CLSTN2: variants seen among roughly 807,000 people sequenced by gnomAD.
CLSTN2 encodes calsyntenin 2.
A neutral mutation model predicts 101.2 loss-of-function variants in CLSTN2; 48 were observed. The ratio of observed to expected loss-of-function variants is 0.47; its 90% CI spans 0.38 to 0.60. The LOEUF (loss-of-function observed/expected upper bound fraction) is 0.60. CLSTN2 is among the 20% of genes least tolerant of loss of function. The pLI, the probability that CLSTN2 is intolerant of heterozygous loss-of-function variation, is 0.00. For missense variants in CLSTN2, 1,160 were observed against 1,238.2 expected (o/e 0.94, Z 0.95); for synonymous variants, 481 against 463.6 (o/e 1.04, Z -0.48).
intron 1 of CLSTN2, among the ~76,000 whole-genome samples, chr3:140,076,629 T>C (rs2008496046): frequency 7.5e-6 from 1 of 132,924 alleles, no homozygotes; most frequent in Non-Finnish European, 1.6e-5. Context: ...AGCAGTGTTT[T>C]TTTTTTTTTT....
intron 6 of CLSTN2, among the ~76,000 whole-genome samples, chr3:140,451,088 T>A (rs1933236889): frequency 6.6e-6 from 1 of 152,160 alleles, no homozygotes; most frequent in African/African-American, 2.4e-5. Context: ...TTGCTCCCCA[T>A]GCACCTGAAT....
At chr3:140,349,611 G>C (rs2087584964) in intron 2 of CLSTN2, among the ~76,000 whole-genome samples, 1 of 152,106 alleles carries the variant, frequency 6.6e-6, no homozygotes, top group Non-Finnish European at 1.5e-5. Context: ...TGAGGGGGTG[G>C]GAATCGCCAG....
rs1933154736 is a variant in CLSTN2 at position 140,448,620 on chromosome 3, A to G, written c.889A>G (p.Ile297Val). The G allele has an allele frequency of 6.2e-7, 1 of 1,614,078 alleles. No homozygotes were observed. Residue 297 changes from isoleucine (I) to valine (V), a missense_variant, in exon 6 of 17, where the codon ATC (isoleucine) becomes GTC (valine). Coordinates refer to ENST00000458420, the MANE Select transcript of CLSTN2 (RefSeq NM_022131.3). ...TCDGAVSSLQ[I>V]VTELQTNYIG... The stretch of plus-strand genomic sequence containing the variant: ...CGATGGAGCCGTGTCTTCCCTCCAG[A>G]TCGTCACAGAGCTGCAGACTAATTA...
At chr3:140,299,572 A>C (rs2107908680) in intron 2 of CLSTN2, among the ~76,000 whole-genome samples, 1 of 152,176 alleles carries the variant, frequency 6.6e-6, no homozygotes. Context: ...AGTGTGTATC[A>C]GTCCTCATCC....
At chr3:140,072,685 C>G (rs1289749973) in intron 1 of CLSTN2, among the ~76,000 whole-genome samples, 1 of 152,168 alleles carries the variant, frequency 6.6e-6, no homozygotes. Context: ...CATGATTAAT[C>G]AAAATCTCCA....
chr3:140,242,749 G>A (rs1449106801), intron 2 of CLSTN2, among the ~76,000 whole-genome samples: 4 of 152,202 alleles, frequency 2.6e-5, no homozygotes, highest in Non-Finnish European at 5.9e-5. Context: ...ATTCACAGAG[G>A]CAATGGGGCC....
At chr3:140,485,112 T>A (rs1934209446) in intron 8 of CLSTN2, among the ~76,000 whole-genome samples, 1 of 152,220 alleles carries the variant, frequency 6.6e-6, no homozygotes, top group South Asian at 2.1e-4. Flanking sequence ...TGGTCTTTGA[T>A]GGTGGTGACG....
At chr3:140,256,669 C>T (rs897936363) in intron 2 of CLSTN2, among the ~76,000 whole-genome samples, 4 of 152,188 alleles carry the variant, frequency 2.6e-5, no homozygotes, top group Admixed American at 2.0e-4. Context: ...AAGGAGTGTT[C>T]CTCAAGGTTT....
chr3:139,985,833 CTG>C (rs1936012887), intron 1 of CLSTN2, among the ~76,000 whole-genome samples: 1 of 152,184 alleles, frequency 6.6e-6, no homozygotes, highest in African/African-American at 2.4e-5. Flanking sequence ...TGTTCTGTAT[CTG>C]TGCCATTCAG....
intron 2 of CLSTN2, among the ~76,000 whole-genome samples, chr3:140,320,611 C>CGG (rs201445122): frequency 5.0e-5 from 6 of 121,206 alleles, no homozygotes; most frequent in African/African-American, 9.8e-5. Context: ...GTTTTTTTTG[C>CGG]GGGGGGGGGC....
At chr3:140,398,999 G>T (rs1015478517) in intron 2 of CLSTN2, among the ~76,000 whole-genome samples, 10 of 152,198 alleles carry the variant, frequency 6.6e-5, no homozygotes, top group Non-Finnish European at 1.5e-4. Context: ...CCCTGAAGGG[G>T]GCTCTTGGTG....
chr3:139,936,422 A>G (rs141776536), intron 1 of CLSTN2, among the ~76,000 whole-genome samples: 11 of 152,274 alleles, frequency 7.2e-5, no homozygotes, highest in African/African-American at 2.6e-4. Context: ...CAGCTTAGTG[A>G]TAACTTGTTG....
chr3:140,047,975 C>G (rs2007913626), intron 1 of CLSTN2, among the ~76,000 whole-genome samples: 1 of 152,040 alleles, frequency 6.6e-6, no homozygotes. Context: ...CATTACTTGC[C>G]TTAAATAATG....
intron 8 of CLSTN2, among the ~76,000 whole-genome samples, chr3:140,515,993 A>T (rs199766014): frequency 5.7e-5 from 7 of 122,132 alleles, no homozygotes; most frequent in African/African-American, 2.4e-4. Context: ...CTCTAGTAGT[A>T]ATTGTATAAA....
chr3:140,254,972 C>T (rs1337034015), intron 2 of CLSTN2, among the ~76,000 whole-genome samples: 2 of 152,030 alleles, frequency 1.3e-5, no homozygotes, highest in African/African-American at 4.8e-5. Context: ...AAAACAACCC[C>T]ATTACAAAAT....
chr3:140,431,196 A>T (rs2088624928), intron 5 of CLSTN2, among the ~76,000 whole-genome samples: 1 of 152,222 alleles, frequency 6.6e-6, no homozygotes, highest in Non-Finnish European at 1.5e-5. Flanking sequence ...TGAACCAGGT[A>T]TAGGGAACCA....
intron 2 of CLSTN2, among the ~76,000 whole-genome samples, chr3:140,282,370 T>C (rs2107897525): frequency 6.6e-6 from 1 of 152,112 alleles, no homozygotes; most frequent in South Asian, 2.1e-4. Flanking sequence ...TGACACCATG[T>C]TTGAGTGGGC....
At chr3:139,937,320 G>C (rs1469661360) in intron 1 of CLSTN2, among the ~76,000 whole-genome samples, 1 of 152,110 alleles carries the variant, frequency 6.6e-6, no homozygotes, top group South Asian at 2.1e-4. Context: ...GCGAGAAAGA[G>C]AAGGAGAGAG....
chr3:140,164,435 A>T (rs77969295), intron 1 of CLSTN2, among the ~76,000 whole-genome samples: 1 of 152,226 alleles, frequency 6.6e-6, no homozygotes, highest in African/African-American at 2.4e-5. Context: ...GCCAGCTCTA[A>T]CTCAAGAGTC....
Sources: gnomAD v4.1 joint callset for allele counts (sites outside exome capture counted in the v4.1 genomes callset) on GRCh38, gnomAD v4.1.1 for gene constraint, MANE v1.5 for transcripts, NCBI Gene and HGNC (gene_info 2026-07-23, HGNC 2026-07-21) for gene names.